PPP1R13B: variants seen among roughly 807,000 people sequenced by gnomAD.
PPP1R13B encodes the protein protein phosphatase 1 regulatory subunit 13B, also known as apoptosis-stimulating of p53 protein 1.
In PPP1R13B, 44 loss-of-function variants were observed where a neutral mutation model predicts 119.8. That is an observed-to-expected ratio of 0.37 (90% confidence interval 0.29 to 0.47). The LOEUF (loss-of-function observed/expected upper bound fraction) is 0.47. Ranked by LOEUF, PPP1R13B falls within the 20% of genes least tolerant of loss-of-function variation. The pLI, the probability that PPP1R13B is intolerant of heterozygous loss-of-function variation, is 0.99. For synonymous variants in PPP1R13B, 542 were observed against 561.5 expected, an observed-to-expected ratio of 0.97 and a Z score of 0.49; for missense variants, 1,227 against 1,413.5, an observed-to-expected ratio of 0.87 and a Z score of 2.12.
intron 4 of PPP1R13B, 60 bp downstream of exon 4, chr14:103,778,685 T>C (rs375999915): frequency 3.6e-6 from 5 of 1,382,424 alleles, no homozygotes; most frequent in Non-Finnish European, 5.2e-6. Context: ...AGATTACAGG[T>C]GTAACCCACT....
In PPP1R13B at chr14:103,838,210, G is replaced by GCACACA. The variant is rs10640450; in HGVS notation, c.9+9083_9+9088dup. Among the ~76,000 whole-genome samples, 1,039 of 149,476 alleles carry GCACACA rather than the reference G, an allele frequency of 7.0e-3. 12 individuals are homozygous for GCACACA. The highest frequency in any genetic ancestry group is 0.023 in the African/African-American group (953 of 40,822). On this transcript the variant is annotated intron_variant, in intron 1 of 16. Coordinates refer to ENST00000202556, the MANE Select transcript of PPP1R13B (RefSeq NM_015316.3). ...CAGGATCAAGTCTAACTCTGTTATG[G>GCACACA]CACACACACACACACACACACACAC...
chr14:103,813,743 C>T (rs1051745743), intron 1 of PPP1R13B, among the ~76,000 whole-genome samples: 3 of 152,102 alleles, frequency 2.0e-5, no homozygotes, highest in South Asian at 2.1e-4. Flanking sequence ...CATTTTGACA[C>T]GTATAGATAC....
At chr14:103,766,111 C>T (rs997207712) in intron 4 of PPP1R13B, among the ~76,000 whole-genome samples, 1 of 151,682 alleles carries the variant, frequency 6.6e-6, no homozygotes, top group Non-Finnish European at 1.5e-5. Flanking sequence ...TGGGTTCAAG[C>T]GATTCTCCTG....
chr14:103,819,650 A>T (rs958079245), intron 1 of PPP1R13B, among the ~76,000 whole-genome samples: 3 of 152,140 alleles, frequency 2.0e-5, no homozygotes, highest in Non-Finnish European at 4.4e-5. Flanking sequence ...TAGCTCTGAC[A>T]AGATTTGCTG....
chr14:103,776,635 G>A (rs2085201461), intron 4 of PPP1R13B, among the ~76,000 whole-genome samples: 1 of 152,150 alleles, frequency 6.6e-6, no homozygotes, highest in Non-Finnish European at 1.5e-5. Flanking sequence ...AACTTTGGGA[G>A]GCCAAGGTGG....
chr14:103,835,728 C>A (rs1248472025), intron 1 of PPP1R13B, among the ~76,000 whole-genome samples: 1 of 151,672 alleles, frequency 6.6e-6, no homozygotes, highest in Non-Finnish European at 1.5e-5. Context: ...CCTGCCTCAG[C>A]CTCCCAAGTA....
intron 3 of PPP1R13B, among the ~76,000 whole-genome samples, chr14:103,781,380 C>T (rs1269597205): frequency 1.3e-5 from 2 of 152,064 alleles, no homozygotes; most frequent in East Asian, 3.9e-4. Flanking sequence ...AGAGTTGAGC[C>T]CGGAGCCTTG....
chr14:103,778,052 A>G lies in PPP1R13B; in HGVS notation c.354+693T>C, dbSNP rs566791450. On this transcript the variant is annotated intron_variant, in intron 4 of 16. Coordinates refer to ENST00000202556, the MANE Select transcript of PPP1R13B (RefSeq NM_015316.3). ...CTCCAACCTCTGCCTCCTGGGTTCA[A>G]GCGATTCTCCTGCCTCAGCCTCCTG... 1.5e-4 allele frequency among the ~76,000 whole-genome samples: 22 copies of G among 151,702 alleles called. No homozygotes were observed. In the South Asian group the frequency reaches 4.2e-3, roughly 29 times the overall value.
chr14:103,829,934 A>G (rs557958151), intron 1 of PPP1R13B, among the ~76,000 whole-genome samples: 7 of 152,006 alleles, frequency 4.6e-5, no homozygotes, highest in African/African-American at 1.7e-4. Flanking sequence ...GCACGCCACC[A>G]TGCCCAGCTA....
At chr14:103,745,967 G>A (rs746088009) in intron 9 of PPP1R13B, among the ~76,000 whole-genome samples, 2 of 152,084 alleles carry the variant, frequency 1.3e-5, no homozygotes, top group Non-Finnish European at 2.9e-5. Context: ...CACCACGCCC[G>A]GCTAATTTTC....
In PPP1R13B at chr14:103,733,999, G is replaced by GA. The variant is rs897659265; in HGVS notation, c.*1154dup. The GA allele has an allele frequency of 4.0e-4, 64 of 158,990 alleles. 1 individual carries two copies. The highest frequency in any genetic ancestry group is 1.4e-3 in the South Asian group (8 of 5,688). 9.8% of individuals were successfully genotyped at this position (158,990 alleles called of 1,614,324 possible). A position where few individuals can be genotyped will look rare whatever the true frequency, so the allele number is the denominator to read the frequency against. On this transcript the variant is annotated 3_prime_UTR_variant, in exon 17 of 17. Transcript: ENST00000202556. Reference sequence around the variant, plus strand: ...AGCCTAAGGGCCTGTATTTTAATGAGAAAAAAAAAATTTCCAACATAGTTC... The same window carrying GA: ...AGCCTAAGGGCCTGTATTTTAATGAGAAAAAAAAAAATTTCCAACATAGTTC...
intron 5 of PPP1R13B, among the ~76,000 whole-genome samples, chr14:103,756,064 T>C (rs979236186): frequency 6.6e-6 from 1 of 152,096 alleles, no homozygotes; most frequent in African/African-American, 2.4e-5. Context: ...GTTTAAATGT[T>C]ATCTTTAAAG....
Position 103,844,443 on chromosome 14 carries a change from C to T in PPP1R13B, c.9+2856G>A, listed in dbSNP as rs2086980661. ...CACCATGTGATTAATTAAAAGTTAC[C>T]ACATGGCCGGGCGCAGTGGCTCATG... On this transcript the variant is annotated intron_variant, in intron 1 of 16. Transcript: ENST00000202556. Among the ~76,000 whole-genome samples the T allele has an allele frequency of 4.6e-5, 7 of 151,808 alleles. No individual in the cohort carries two copies. In the South Asian group the frequency reaches 1.5e-3, roughly 32 times the overall value.
intron 1 of PPP1R13B, among the ~76,000 whole-genome samples, chr14:103,803,526 C>T (rs1026666140): frequency 1.3e-5 from 2 of 151,952 alleles, no homozygotes; most frequent in South Asian, 2.1e-4. Flanking sequence ...ACCTGTAGTC[C>T]CAGCTACTCG....
rs965296684 is a variant in PPP1R13B, at chr14:103,738,397, A to C, written c.2864+282T>G. On this transcript the variant is annotated intron_variant, in intron 14 of 16. Coordinates refer to ENST00000202556, the MANE Select transcript of PPP1R13B (RefSeq NM_015316.3). This position sits in a 1 kb window ranked among gnomAD's most constrained non-coding sequence, Gnocchi z 5.6. ...AAGAGTCCATACGGAACATATGAGA[A>C]GGGGAAGATGGAATGATTCACAGAA... The C allele has an allele frequency of 4.7e-5, 22 of 469,604 alleles. No individual in the cohort carries two copies. Among genetic ancestry groups the C allele is most frequent in the Middle Eastern group, 5.8e-4 (1 of 1,720 alleles). 29.1% of individuals were successfully genotyped at this position (469,604 alleles called of 1,614,324 possible).
In PPP1R13B at chr14:103,798,864, A is replaced by G. The variant is rs142991392; in HGVS notation, c.10-1346T>C. 5.3e-3 allele frequency among the ~76,000 whole-genome samples: 798 copies of G among 151,650 alleles called. 11 individuals carry two copies. The highest frequency in any genetic ancestry group is 0.018 in the African/African-American group (757 of 41,348). On this transcript the variant is annotated intron_variant, in intron 1 of 16. Coordinates refer to ENST00000202556, the MANE Select transcript of PPP1R13B (RefSeq NM_015316.3). ...GCCACCACGTCCAGTTAATTTTTGTATTTTCTGTAGAGACAGGGTATTGCC... is the reference window on the plus strand; with the variant it reads ...GCCACCACGTCCAGTTAATTTTTGTGTTTTCTGTAGAGACAGGGTATTGCC...
chr14:103,838,498 T>A (rs889333805), intron 1 of PPP1R13B, among the ~76,000 whole-genome samples: 1 of 152,144 alleles, frequency 6.6e-6, no homozygotes, highest in African/African-American at 2.4e-5. Flanking sequence ...CCAAATAAAA[T>A]AATCTGAAAT....
chr14:103,782,896 C>A (rs777190369), intron 3 of PPP1R13B, among the ~76,000 whole-genome samples: 2 of 151,982 alleles, frequency 1.3e-5, no homozygotes, highest in Non-Finnish European at 2.9e-5. Flanking sequence ...CCTCTGCCTC[C>A]CAGGTTCAAG....
chr14:103,794,632 G>A (rs1263704746), intron 2 of PPP1R13B: 2 of 447,252 alleles, frequency 4.5e-6, no homozygotes, highest in Admixed American at 2.4e-5. Flanking sequence ...CCGGCCAGGT[G>A]CAGTAAGTTT....
Sources: gnomAD v4.1 joint callset for allele counts (sites outside exome capture counted in the v4.1 genomes callset) on GRCh38, gnomAD v4.1.1 for gene constraint, Gnocchi (gnomAD v3.1) non-coding constraint, MANE v1.5 for transcripts, NCBI Gene and HGNC (gene_info 2026-07-23, HGNC 2026-07-21) for gene names.